Variants in C12orf42 observed in about 807,000 individuals in gnomAD.
The protein encoded by C12orf42 is chromosome 12 open reading frame 42.
In C12orf42, 25 loss-of-function variants were observed where a neutral mutation model predicts 21.6. The ratio of observed to expected loss-of-function variants is 1.16; its 90% CI spans 0.84 to 1.62. C12orf42 has a LOEUF of 1.62. Ranked by LOEUF, C12orf42 falls within the 40% of genes most tolerant of loss-of-function variation. The pLI is 0.00. For synonymous variants in C12orf42, 174 were observed against 175.0 expected, an observed-to-expected ratio of 0.99 and a Z score of 0.05; for missense variants, 483 against 459.3, an observed-to-expected ratio of 1.05 and a Z score of -0.47.
rs796929559 is a variant in C12orf42 at position 103,294,568 on chromosome 12, A to G, written n.338-17358T>C. ...AAGAAAGAAAGAAAGAAAGAAAAAG[A>G]AAGGAAGGAAGGAAGGAAAGAAAGA... is the stretch of plus-strand genomic sequence containing the variant. On this transcript the variant is annotated intron_variant and non_coding_transcript_variant, in intron 4 of 6. Coordinates refer to the C12orf42 transcript ENST00000546526. Among the ~76,000 whole-genome samples the G allele has an allele frequency of 6.7e-3, 807 of 119,608 alleles. 6 individuals carry two copies. The highest frequency in any genetic ancestry group is 0.024 in the African/African-American group (751 of 31,286). The allele number at this position is 119,608 out of a possible 152,430, so 78.5% of individuals were successfully genotyped here. A position where few individuals can be genotyped will look rare whatever the true frequency, so the allele number is the denominator to read the frequency against.
the C12orf42 span, among the ~76,000 whole-genome samples, chr12:103,224,225 G>A: frequency 4.6e-4 from 70 of 152,276 alleles, no homozygotes; most frequent in African/African-American, 1.5e-3. Flanking sequence ...GCAAATCCTC[G>A]AGCTTGATGT....
the C12orf42 span, among the ~76,000 whole-genome samples, chr12:103,179,905 C>CTA: frequency 1.3e-5 from 2 of 152,114 alleles, no homozygotes; most frequent in African/African-American, 2.4e-5. Flanking sequence ...TCCCAGATTT[C>CTA]TAGTTTAGAC....
At chr12:103,381,061 G>C (rs765227814) in intron 3 of C12orf42, among the ~76,000 whole-genome samples, 9 of 152,074 alleles carry the variant, frequency 5.9e-5, no homozygotes, top group Non-Finnish European at 1.2e-4. Context: ...GATATGTCTC[G>C]AGCTGCTTGT....
At chr12:103,427,402 C>T (rs866877552) in intron 2 of C12orf42, among the ~76,000 whole-genome samples, 17 of 149,206 alleles carry the variant, frequency 1.1e-4, no homozygotes, top group Non-Finnish European at 2.4e-4. Flanking sequence ...ATCATGGTAA[C>T]GGGATCAATG....
chr12:103,544,501 C>A, the C12orf42 span, among the ~76,000 whole-genome samples: 2 of 152,100 alleles, frequency 1.3e-5, no homozygotes, highest in Non-Finnish European at 2.9e-5. Flanking sequence ...TTTTCCTTCA[C>A]CCTGATTGGG....
the C12orf42 span, among the ~76,000 whole-genome samples, chr12:103,119,999 C>T: frequency 1.2e-4 from 18 of 152,372 alleles, no homozygotes; most frequent in African/African-American, 3.8e-4. Context: ...GGAGTCCACA[C>T]AGCACTGGAG....
chr12:103,467,524 G>A (rs985664434), intron 2 of C12orf42, among the ~76,000 whole-genome samples: 1 of 152,158 alleles, frequency 6.6e-6, no homozygotes, highest in Non-Finnish European at 1.5e-5. Flanking sequence ...CTGATGGTAG[G>A]AGTGAGGGTC....
intron 4 of C12orf42, among the ~76,000 whole-genome samples, chr12:103,318,670 G>A (rs2039778386): frequency 6.6e-6 from 1 of 152,136 alleles, no homozygotes; most frequent in Admixed American, 6.5e-5. Flanking sequence ...ATTGTGGGCT[G>A]AGTTTCAGTC....
At chr12:103,524,880 T>A in the C12orf42 span, among the ~76,000 whole-genome samples, 1 of 150,048 alleles carries the variant, frequency 6.7e-6, no homozygotes, top group African/African-American at 2.4e-5. Flanking sequence ...TTGATCAGAG[T>A]TATCTTCTCC....
At chr12:103,514,853 C>T in the C12orf42 span, among the ~76,000 whole-genome samples, 44 of 152,256 alleles carry the variant, frequency 2.9e-4, no homozygotes, top group African/African-American at 9.4e-4. Context: ...GAGTTCAAGA[C>T]GATAGCACAC....
intron 2 of C12orf42, among the ~76,000 whole-genome samples, chr12:103,463,835 T>C (rs1403749312): frequency 6.6e-6 from 1 of 152,226 alleles, no homozygotes; most frequent in Non-Finnish European, 1.5e-5. Flanking sequence ...TTTGAATTTC[T>C]GTTCCTGTGT....
downstream of C12orf42, among the ~76,000 whole-genome samples, chr12:103,233,158 C>T (rs1047846029): frequency 1.3e-5 from 2 of 152,148 alleles, no homozygotes; most frequent in Non-Finnish European, 2.9e-5. Flanking sequence ...TATTTTTGGT[C>T]TCTCTATTCT....
intron 3 of C12orf42, among the ~76,000 whole-genome samples, chr12:103,391,513 T>C (rs1026343690): frequency 2.6e-5 from 4 of 152,176 alleles, no homozygotes; most frequent in African/African-American, 9.6e-5. Flanking sequence ...ATTGCTCTAA[T>C]GGTGTTGAAC....
chr12:103,536,312 A>G, the C12orf42 span, among the ~76,000 whole-genome samples: 1 of 152,172 alleles, frequency 6.6e-6, no homozygotes, highest in East Asian at 1.9e-4. Context: ...GTACATCTTG[A>G]GTTTGAAATG....
At chr12:103,204,150 G>A in the C12orf42 span, among the ~76,000 whole-genome samples, 1 of 152,158 alleles carries the variant, frequency 6.6e-6, no homozygotes. Context: ...TTCACAGTTT[G>A]AAATACGTCA....
chr12:103,239,716 C>T (rs6539063), intron 10 of C12orf42, among the ~76,000 whole-genome samples: 2,426 of 152,142 alleles, frequency 0.016, 62 homozygotes, highest in African/African-American at 0.053. Flanking sequence ...GGGTGATTTC[C>T]CTTGGAAGTG....
the C12orf42 span, among the ~76,000 whole-genome samples, chr12:103,226,381 T>C: frequency 6.6e-6 from 1 of 152,198 alleles, no homozygotes; most frequent in African/African-American, 2.4e-5. Context: ...GATTGGGTAA[T>C]AAAATGTATA....
At chr12:103,253,385 A>G (rs940226597) in intron 10 of C12orf42, among the ~76,000 whole-genome samples, 5 of 152,200 alleles carry the variant, frequency 3.3e-5, no homozygotes, top group Admixed American at 2.6e-4. Flanking sequence ...AAATCTAAAC[A>G]TTACTTTGGA....
At chr12:103,481,646 C>T (rs1265523392) in intron 1 of C12orf42, among the ~76,000 whole-genome samples, 3 of 73,476 alleles carry the variant, frequency 4.1e-5, no homozygotes, top group Non-Finnish European at 9.0e-5. Context: ...CAACATAAAG[C>T]GAGTTACTTT....
Sources: allele counts gnomAD v4.1 joint callset (sites outside exome capture counted in the v4.1 genomes callset), GRCh38; gene constraint gnomAD v4.1.1; transcripts MANE v1.5; gene names NCBI Gene and HGNC (gene_info 2026-07-23, HGNC 2026-07-21).